Variants in LRRTM4 observed in about 807,000 individuals in gnomAD.
LRRTM4 encodes the protein leucine rich repeat transmembrane neuronal 4.
Under a neutral mutation model 47.6 loss-of-function variants are expected in LRRTM4, and 25 were observed. That is an observed-to-expected ratio of 0.53 (90% CI 0.38 to 0.73). The LOEUF is 0.73. Ranked by LOEUF, LRRTM4 falls within the 30% of genes least tolerant of loss-of-function variation. LRRTM4 has a pLI of 0.00. For synonymous variants in LRRTM4, 311 were observed against 269.5 expected (o/e 1.15, Z -1.51); for missense variants, 638 against 713.4 (o/e 0.89, Z 1.20).
chr2:76,887,468 G>A (rs992391851), intron 3 of LRRTM4, among the ~76,000 whole-genome samples: 3 of 150,432 alleles, frequency 2.0e-5, no homozygotes, highest in Non-Finnish European at 4.5e-5. Context: ...GACAAAACTT[G>A]TAACATTTAG....
At chr2:77,291,564 T>C (rs1237093193) in intron 3 of LRRTM4, among the ~76,000 whole-genome samples, 1 of 152,106 alleles carries the variant, frequency 6.6e-6, no homozygotes, top group Non-Finnish European at 1.5e-5. Flanking sequence ...AGCATTCACA[T>C]ACAAATATTT....
chr2:77,131,476 A>G (rs754291415), intron 3 of LRRTM4, among the ~76,000 whole-genome samples: 33 of 152,204 alleles, frequency 2.2e-4, no homozygotes, highest in Non-Finnish European at 4.7e-4. Flanking sequence ...TTTGCTCAGT[A>G]ATATAAACAC....
intron 3 of LRRTM4, among the ~76,000 whole-genome samples, chr2:77,086,951 G>A (rs903505194): frequency 8.5e-5 from 13 of 152,108 alleles, no homozygotes; most frequent in African/African-American, 3.1e-4. Context: ...AGCACACCTA[G>A]GCATTCTGGG....
chr2:77,303,281 A>AC lies in LRRTM4; in HGVS notation c.1551+215036_1551+215037insG, dbSNP rs200166084. The stretch of plus-strand genomic sequence containing the variant: ...CATCTCAAAACAAACAAACAAACAA[A>AC]AAAAAATGGTGTCCTTTCTTGTTTT... On this transcript the variant is annotated intron_variant, in intron 3 of 3. Coordinates refer to ENST00000409884, the MANE Select transcript of LRRTM4 (RefSeq NM_001134745.3). Among the ~76,000 whole-genome samples the AC allele has an allele frequency of 1.5e-3, 226 of 152,032 alleles. 1 individual carries two copies. Among genetic ancestry groups the AC allele is most frequent in the Non-Finnish European group, 2.5e-3 (168 of 68,010 alleles).
chr2:77,492,333 G>A (rs971724783), intron 3 of LRRTM4, among the ~76,000 whole-genome samples: 1 of 152,048 alleles, frequency 6.6e-6, no homozygotes, highest in Non-Finnish European at 1.5e-5. Context: ...GAACATAGCT[G>A]ACTGTCACCT....
In LRRTM4 at chr2:77,297,961, T is replaced by C. The variant is rs376472027; in HGVS notation, c.1551+220357A>G. On this transcript the variant is annotated intron_variant, in intron 3 of 3. Coordinates refer to ENST00000409884, the MANE Select transcript of LRRTM4 (RefSeq NM_001134745.3). ...TTGCATTGTTTCCAAAGAAAATTTA[T>C]ATGATGTAAATTTCAAATCATAAAC... 1.6e-4 allele frequency among the ~76,000 whole-genome samples: 24 copies of C among 152,300 alleles called. No individual in the cohort carries two copies. In the South Asian group the frequency reaches 4.6e-3, roughly 29 times the overall value.
At chr2:76,973,663 C>T (rs1558771045) in intron 3 of LRRTM4, among the ~76,000 whole-genome samples, 1 of 151,874 alleles carries the variant, frequency 6.6e-6, no homozygotes, top group Non-Finnish European at 1.5e-5. Flanking sequence ...TCTATCAGTG[C>T]TAATACAGGC....
At chr2:77,498,333 A>AT (rs1237665085) in intron 3 of LRRTM4, among the ~76,000 whole-genome samples, 3 of 151,924 alleles carry the variant, frequency 2.0e-5, no homozygotes, top group African/African-American at 7.2e-5. Flanking sequence ...ATTGTAGAAA[A>AT]TTACAGAAGT....
chr2:76,826,279 G>A (rs996928051), intron 3 of LRRTM4, among the ~76,000 whole-genome samples: 10 of 151,786 alleles, frequency 6.6e-5, no homozygotes, highest in African/African-American at 2.4e-4. Context: ...AAGCCAAGAA[G>A]TAGCTTAATA....
At chr2:77,120,119 C>T (rs1334132872) in intron 3 of LRRTM4, among the ~76,000 whole-genome samples, 1 of 151,668 alleles carries the variant, frequency 6.6e-6, no homozygotes, top group Non-Finnish European at 1.5e-5. Flanking sequence ...AATCATCATT[C>T]GAAAGGAAGG....
intron 3 of LRRTM4, among the ~76,000 whole-genome samples, chr2:77,246,558 A>G (rs138970886): frequency 1.5e-3 from 229 of 152,262 alleles, no homozygotes; most frequent in African/African-American, 5.2e-3. Context: ...TTTAGAGGCT[A>G]CCAAATTGGA....
intron 3 of LRRTM4, among the ~76,000 whole-genome samples, chr2:76,857,051 A>G (rs1452992862): frequency 2.0e-5 from 3 of 151,926 alleles, no homozygotes; most frequent in Non-Finnish European, 4.4e-5. Flanking sequence ...ATTCAAAAGT[A>G]CAGTTGACCC....
At chr2:76,991,325 A>G (rs1022028356) in intron 3 of LRRTM4, among the ~76,000 whole-genome samples, 2 of 151,774 alleles carry the variant, frequency 1.3e-5, no homozygotes, top group Non-Finnish European at 2.9e-5. Flanking sequence ...TTGAGACTCA[A>G]AAATTCATAC....
intron 3 of LRRTM4, among the ~76,000 whole-genome samples, chr2:76,900,714 C>A (rs998735936): frequency 6.6e-6 from 1 of 151,954 alleles, no homozygotes; most frequent in Non-Finnish European, 1.5e-5. Context: ...TCATAAAAAT[C>A]GAGATAATAG....
At chr2:77,096,592 TA>T (rs1670819097) in intron 3 of LRRTM4, among the ~76,000 whole-genome samples, 1 of 151,438 alleles carries the variant, frequency 6.6e-6, no homozygotes, top group Non-Finnish European at 1.5e-5. Context: ...TGACATGATA[TA>T]AAAGTAAAAA....
At chr2:77,345,573 G>T (rs1671531465) in intron 3 of LRRTM4, among the ~76,000 whole-genome samples, 2 of 151,828 alleles carry the variant, frequency 1.3e-5, no homozygotes, top group African/African-American at 4.8e-5. Flanking sequence ...TTGTCATTAG[G>T]ATAATGCAAA....
At chr2:77,083,513 C>T (rs1680597942) in intron 3 of LRRTM4, among the ~76,000 whole-genome samples, 1 of 152,016 alleles carries the variant, frequency 6.6e-6, no homozygotes, top group African/African-American at 2.4e-5. Flanking sequence ...AAAACATGAC[C>T]AAATTAGCTA....
At chr2:76,879,830 A>C (rs1266181133) in intron 3 of LRRTM4, among the ~76,000 whole-genome samples, 1 of 152,202 alleles carries the variant, frequency 6.6e-6, no homozygotes, top group Non-Finnish European at 1.5e-5. Context: ...TATCAACATT[A>C]ATAGGAGTCT....
chr2:76,926,446 A>G (rs867855420), intron 3 of LRRTM4, among the ~76,000 whole-genome samples: 1 of 152,148 alleles, frequency 6.6e-6, no homozygotes, highest in African/African-American at 2.4e-5. Context: ...TATTTTGTAT[A>G]TGACAAGGAG....
Sources: gnomAD v4.1 joint callset for allele counts (sites outside exome capture counted in the v4.1 genomes callset) on GRCh38, gnomAD v4.1.1 for gene constraint, MANE v1.5 for transcripts, NCBI Gene and HGNC (gene_info 2026-07-23, HGNC 2026-07-21) for gene names.